The following PHACTR4 variants were observed in gnomAD, a reference collection of about 807,000 sequenced individuals.
PHACTR4 encodes the protein phosphatase and actin regulator 4.
Under a neutral mutation model 72.7 loss-of-function variants are expected in PHACTR4, and 51 were observed. The observed-to-expected ratio is 0.70, with a 90% CI of 0.56 to 0.89. PHACTR4 has a LOEUF of 0.89. Among genes scored for constraint, PHACTR4 ranks in the 40% least tolerant of loss-of-function variants. The probability of loss-of-function intolerance (pLI) is 0.00; values close to 1 mark genes in which losing one functional copy is unlikely to be tolerated. For missense variants in PHACTR4, 731 were observed against 861.8 expected, an observed-to-expected ratio of 0.85 and a Z score of 1.90; for synonymous variants, 255 against 302.5, an observed-to-expected ratio of 0.84 and a Z score of 1.63.
chr1:28,480,825 G>A (rs1189783277), intron 9 of PHACTR4, among the ~76,000 whole-genome samples: 5 of 151,902 alleles, frequency 3.3e-5, no homozygotes, highest in Admixed American at 2.6e-4. Context: ...AGTAGCTGGC[G>A]TTATAGGCAC....
rs778120577 is a variant in PHACTR4, at chr1:28,465,727, A to G, written c.314A>G (p.Asn105Ser). ...PGKPSDAMLK[N>S]GHTTPIGNAR... ...AAGCCAAGCGATGCCATGTTAAAGA[A>G]TGGCCATACCACCCCCATAGGGAAT... Residue 105 changes from asparagine (N) to serine (S), a missense_variant, in exon 5 of 14, where the codon AAT becomes AGT. Around this residue, in one of 2 missense-constraint regions of PHACTR4, gnomAD observed 621 missense variants for 676.6 expected, o/e 0.92. Transcript: ENST00000373839. The G allele has an allele frequency of 1.5e-5, 25 of 1,613,844 alleles. No individual in the cohort carries two copies. The highest frequency in any genetic ancestry group is 1.9e-5 in the Non-Finnish European group (23 of 1,179,938).
intron 1 of PHACTR4, among the ~76,000 whole-genome samples, chr1:28,388,025 G>T (rs978154416): frequency 3.3e-5 from 5 of 152,064 alleles, no homozygotes; most frequent in African/African-American, 1.2e-4. Flanking sequence ...ACCATGCCCG[G>T]CCTTTGTTTT....
At chr1:28,416,322 T>G (rs1481049774) in intron 2 of PHACTR4, among the ~76,000 whole-genome samples, 1 of 152,166 alleles carries the variant, frequency 6.6e-6, no homozygotes, top group Non-Finnish European at 1.5e-5. Context: ...AAGGTCAACA[T>G]GTTTTTACTG....
At chr1:28,454,799 C>T (rs34697248) in intron 2 of PHACTR4, among the ~76,000 whole-genome samples, 58,589 of 151,948 alleles carry the variant, frequency 0.39, 12,995 homozygotes, top group African/African-American at 0.6. Flanking sequence ...TGTTTATTTG[C>T]AACTTGGACC....
intron 2 of PHACTR4, among the ~76,000 whole-genome samples, chr1:28,458,644 A>G (rs756059144): frequency 6.6e-6 from 1 of 152,164 alleles, no homozygotes; most frequent in Non-Finnish European, 1.5e-5. Flanking sequence ...GGTACTAACA[A>G]TGTGTTACCT....
At chr1:28,372,783 C>T (rs969481466) in intron 1 of PHACTR4, among the ~76,000 whole-genome samples, 5 of 149,446 alleles carry the variant, frequency 3.3e-5, no homozygotes, top group East Asian at 2.0e-4. Flanking sequence ...ACCTGGGAGG[C>T]GGAGGTTACA....
chr1:28,427,138 T>C (rs1655921321), intron 2 of PHACTR4, among the ~76,000 whole-genome samples: 4 of 152,240 alleles, frequency 2.6e-5, no homozygotes, highest in South Asian at 2.1e-4. Flanking sequence ...TAACCAATAC[T>C]TCTCTACCAA....
intron 9 of PHACTR4, chr1:28,481,319 C>T (rs1660265524): frequency 6.6e-6 from 1 of 152,020 alleles, no homozygotes; most frequent in African/African-American, 2.4e-5. Context: ...TGTAAGCCAC[C>T]ACACCCATCA....
chr1:28,414,476 C>CA (rs1654986167), intron 2 of PHACTR4, among the ~76,000 whole-genome samples: 1 of 146,700 alleles, frequency 6.8e-6, no homozygotes, highest in African/African-American at 2.5e-5. Context: ...CTCCTGAGCT[C>CA]AAACAATTCT....
At chr1:28,370,179 C>T (rs1323322000) in intron 1 of PHACTR4, among the ~76,000 whole-genome samples, 1 of 152,114 alleles carries the variant, frequency 6.6e-6, no homozygotes, top group Non-Finnish European at 1.5e-5. Flanking sequence ...CGGTCCCCAA[C>T]AGGGACTGCT....
intron 1 of PHACTR4, among the ~76,000 whole-genome samples, chr1:28,388,711 G>A (rs1217457008): frequency 6.6e-6 from 1 of 152,112 alleles, no homozygotes; most frequent in Non-Finnish European, 1.5e-5. Context: ...TTAGCTGGGC[G>A]TGGTGGTGTG....
intron 9 of PHACTR4, among the ~76,000 whole-genome samples, chr1:28,487,085 G>A (rs1028712652): frequency 1.1e-4 from 17 of 151,950 alleles, no homozygotes; most frequent in Non-Finnish European, 2.1e-4. Context: ...AATAAAATGG[G>A]GCGGGGCACA....
At chr1:28,440,413 T>TTTTG (rs1656936536) in intron 2 of PHACTR4, among the ~76,000 whole-genome samples, 1 of 127,930 alleles carries the variant, frequency 7.8e-6, no homozygotes, top group Non-Finnish European at 1.7e-5. Flanking sequence ...TTTTTTTTTT[T>TTTTG]GAGACGGAGT....
At chr1:28,372,670 G>A (rs1292292239) in intron 1 of PHACTR4, among the ~76,000 whole-genome samples, 1 of 151,874 alleles carries the variant, frequency 6.6e-6, no homozygotes, top group Non-Finnish European at 1.5e-5. Context: ...TGGCCAACAT[G>A]GTAAAATCCC....
intron 1 of PHACTR4, among the ~76,000 whole-genome samples, chr1:28,386,544 G>T (rs1166367752): frequency 2.6e-5 from 4 of 152,062 alleles, no homozygotes; most frequent in Admixed American, 6.6e-5. Context: ...CTATTATTTT[G>T]TGGGAAACTA....
chr1:28,437,472 C>A (rs1656705836), intron 2 of PHACTR4, among the ~76,000 whole-genome samples: 1 of 152,084 alleles, frequency 6.6e-6, no homozygotes, highest in African/African-American at 2.4e-5. Flanking sequence ...TTAAGTAATC[C>A]TTCAGCCTTG....
intron 2 of PHACTR4, among the ~76,000 whole-genome samples, chr1:28,409,412 GATATGTC>G (rs1378303005): frequency 6.6e-6 from 1 of 152,122 alleles, no homozygotes; most frequent in Non-Finnish European, 1.5e-5. Context: ...CAAAGTGAGA[GATATGTC>G]TTAGGATATC....
At chr1:28,419,371 T>G (rs930504372) in intron 2 of PHACTR4, among the ~76,000 whole-genome samples, 69 of 151,916 alleles carry the variant, frequency 4.5e-4, no homozygotes, top group African/African-American at 1.6e-3. Flanking sequence ...CTAAGGATTA[T>G]GTAGATATAT....
At chr1:28,457,737 C>T in intron 2 of PHACTR4, 2 of 693,804 alleles carry the variant, frequency 2.9e-6, no homozygotes, top group Non-Finnish European at 3.5e-6. Flanking sequence ...GTTAGCTTAT[C>T]ATATGCTGTT....
Sources: gnomAD v4.1 joint callset for allele counts (sites outside exome capture counted in the v4.1 genomes callset) on GRCh38, gnomAD v4.1.1 for gene constraint, gnomAD v4.1.1 regional missense constraint, MANE v1.5 for transcripts, NCBI Gene and HGNC (gene_info 2026-07-23, HGNC 2026-07-21) for gene names.